The following TMEM232 variants were observed in gnomAD, a reference collection of about 807,000 sequenced individuals.
TMEM232 encodes the protein transmembrane protein 232.
In TMEM232, 80 loss-of-function variants were observed where a neutral mutation model predicts 78.8. The ratio of observed to expected loss-of-function variants is 1.01; its 90% CI spans 0.85 to 1.22. TMEM232 has a LOEUF of 1.22. Ranked by LOEUF, TMEM232 falls within the 50% of genes most tolerant of loss-of-function variation. The pLI is 0.00. For synonymous variants in TMEM232, 297 were observed against 254.3 expected (o/e 1.17, Z -1.60); for missense variants, 881 against 742.2 (o/e 1.19, Z -2.17).
intron 11 of TMEM232, among the ~76,000 whole-genome samples, chr5:110,535,737 CA>C: frequency 6.6e-6 from 1 of 151,856 alleles, no homozygotes; most frequent in Admixed American, 6.6e-5. Context: ...ACAAATGGAC[CA>C]AAAAAATGAT....
At chr5:110,675,953 T>C (rs990046686) in intron 1 of TMEM232, among the ~76,000 whole-genome samples, 3 of 152,310 alleles carry the variant, frequency 2.0e-5, no homozygotes, top group African/African-American at 7.2e-5. Context: ...TTGGCAACCA[T>C]CATCCTACTC....
At chr5:110,557,697 T>A (rs927590264) in intron 11 of TMEM232, among the ~76,000 whole-genome samples, 3 of 152,082 alleles carry the variant, frequency 2.0e-5, no homozygotes, top group Non-Finnish European at 4.4e-5. Context: ...AACAACCAGA[T>A]CTTGTAAGAA....
intron 1 of TMEM232, among the ~76,000 whole-genome samples, chr5:110,686,382 TG>T (rs1793408403): frequency 2.0e-5 from 3 of 151,832 alleles, no homozygotes; most frequent in Non-Finnish European, 2.9e-5. Flanking sequence ...TCTAACCAAG[TG>T]CGCAAGTAAC....
At chr5:110,622,332 T>G (rs1783850839) in intron 7 of TMEM232, among the ~76,000 whole-genome samples, 1 of 152,188 alleles carries the variant, frequency 6.6e-6, no homozygotes, top group Non-Finnish European at 1.5e-5. Context: ...TATTTGTACT[T>G]CAGAACAGAT....
chr5:110,677,610 A>G (rs1792185226), intron 1 of TMEM232, among the ~76,000 whole-genome samples: 1 of 152,226 alleles, frequency 6.6e-6, no homozygotes, highest in Middle Eastern at 3.2e-3. Flanking sequence ...TATTTTCTAA[A>G]GAAGATTCAC....
chr5:110,623,280 A>G (rs1217476212), intron 7 of TMEM232, among the ~76,000 whole-genome samples: 1 of 152,126 alleles, frequency 6.6e-6, no homozygotes, highest in Non-Finnish European at 1.5e-5. Flanking sequence ...TAAAACTTTC[A>G]ATGCAATTTT....
At chr5:110,475,755 G>A (rs183674565) in intron 12 of TMEM232, among the ~76,000 whole-genome samples, 6 of 151,578 alleles carry the variant, frequency 4.0e-5, no homozygotes, top group Admixed American at 3.9e-4. Context: ...TCCCCACTCA[G>A]CTGAGTACTC....
chr5:110,413,042 A>G (rs943998038), intron 2 of TMEM232, among the ~76,000 whole-genome samples: 11 of 152,178 alleles, frequency 7.2e-5, no homozygotes, highest in African/African-American at 2.7e-4. Flanking sequence ...GGATTGAAGG[A>G]TGCAACGTAT....
upstream of TMEM232, among the ~76,000 whole-genome samples, chr5:110,730,934 T>A (rs908571995): frequency 1.3e-5 from 2 of 152,194 alleles, no homozygotes; most frequent in African/African-American, 2.4e-5. Context: ...TTAACCGAAA[T>A]GTCCACAGTC....
chr5:110,619,925 A>C (rs183599151), intron 7 of TMEM232, among the ~76,000 whole-genome samples: 20 of 152,274 alleles, frequency 1.3e-4, no homozygotes, highest in African/African-American at 4.8e-4. Flanking sequence ...ATATTAAAAA[A>C]ATAAAAATAA....
intron 12 of TMEM232, among the ~76,000 whole-genome samples, chr5:110,498,031 T>G (rs1765817065): frequency 2.0e-5 from 3 of 152,240 alleles, no homozygotes; most frequent in Non-Finnish European, 4.4e-5. Context: ...AGTTAATACT[T>G]TTAATGCCTC....
intron 12 of TMEM232, among the ~76,000 whole-genome samples, chr5:110,445,898 A>G (rs1759592748): frequency 6.6e-6 from 1 of 152,092 alleles, no homozygotes; most frequent in East Asian, 1.9e-4. Flanking sequence ...AGAAATTACA[A>G]TCTTTTTGCA....
intron 11 of TMEM232, among the ~76,000 whole-genome samples, chr5:110,550,733 T>C (rs942593468): frequency 4.6e-5 from 7 of 151,938 alleles, no homozygotes; most frequent in African/African-American, 1.4e-4. Context: ...AATTACCTAT[T>C]ATATATTATA....
chr5:110,681,642 G>T (rs1792764193), intron 1 of TMEM232, among the ~76,000 whole-genome samples: 9 of 152,212 alleles, frequency 5.9e-5, no homozygotes, highest in Admixed American at 4.6e-4. Context: ...ACACTTTGAA[G>T]TAGAGTGGAA....
At chr5:110,411,182 C>T (rs1306795770) in intron 2 of TMEM232, among the ~76,000 whole-genome samples, 1 of 152,084 alleles carries the variant, frequency 6.6e-6, no homozygotes, top group Non-Finnish European at 1.5e-5. Flanking sequence ...CTCTGGTCTC[C>T]CTGATGCTCC....
chr5:110,601,533 C>T (rs1780897113), intron 10 of TMEM232, among the ~76,000 whole-genome samples: 1 of 152,060 alleles, frequency 6.6e-6, no homozygotes, highest in Admixed American at 6.6e-5. Context: ...CATGAATGTA[C>T]TCCCATTCAC....
chr5:110,617,471 T>A (rs1211728801), intron 8 of TMEM232, among the ~76,000 whole-genome samples: 2 of 152,168 alleles, frequency 1.3e-5, no homozygotes, highest in Non-Finnish European at 2.9e-5. Flanking sequence ...GATATGTTAA[T>A]AAGCTTGACT....
At chr5:110,499,633 CCCCA>C (rs981311081) in intron 12 of TMEM232, among the ~76,000 whole-genome samples, 2 of 113,202 alleles carry the variant, frequency 1.8e-5, no homozygotes, top group Non-Finnish European at 3.4e-5. Context: ...ATACACCCCC[CCCCA>C]CACACACACA....
intron 12 of TMEM232, among the ~76,000 whole-genome samples, chr5:110,442,251 T>C (rs1759140912): frequency 6.6e-6 from 1 of 152,036 alleles, no homozygotes; most frequent in Admixed American, 6.6e-5. Flanking sequence ...CAATAACTCT[T>C]AGATTTCCCC....
Sources: gnomAD v4.1 joint callset for allele counts (sites outside exome capture counted in the v4.1 genomes callset) on GRCh38, gnomAD v4.1.1 for gene constraint, MANE v1.5 for transcripts, NCBI Gene and HGNC (gene_info 2026-07-23, HGNC 2026-07-21) for gene names.